Variants in CREB3L3 observed in about 807,000 individuals in gnomAD.
CREB3L3 encodes the protein cAMP responsive element binding protein 3 like 3, also known as cyclic AMP-responsive element-binding protein 3-like protein 3.
A neutral mutation model predicts 44.6 loss-of-function variants in CREB3L3; 40 were observed. The observed-to-expected ratio is 0.90, with a 90% CI of 0.70 to 1.17. The LOEUF (loss-of-function observed/expected upper bound fraction) is 1.17. CREB3L3 is among the 50% of genes most tolerant of loss of function. The pLI, the probability that CREB3L3 is intolerant of heterozygous loss-of-function variation, is 0.00. For missense variants in CREB3L3, 578 were observed against 595.8 expected (o/e 0.97, Z 0.31); for synonymous variants, 273 against 256.3 (o/e 1.06, Z -0.62).
At chr19:4,168,936 T>C (rs1215824694) in intron 6 of CREB3L3, among the ~76,000 whole-genome samples, 1 of 152,016 alleles carries the variant, frequency 6.6e-6, no homozygotes, top group Non-Finnish European at 1.5e-5. Flanking sequence ...GGTTTCACTG[T>C]GTTGCCCAGG....
chr19:4,172,236 C>T lies in CREB3L3; in HGVS notation c.*267C>T, dbSNP rs527445740. The T allele has an allele frequency of 1.7e-6, 1 of 577,182 alleles. No individual in the cohort carries two copies. The highest frequency in any genetic ancestry group is 2.1e-5 in the South Asian group (1 of 48,378). 35.8% of individuals were successfully genotyped at this position (577,182 alleles called of 1,614,324 possible). ...CAGAAGCAAAGAGCAGACACACATA[C>T]AGCCTGAAACAGACCTGGACAGACA... On this transcript the variant is annotated 3_prime_UTR_variant, in exon 10 of 10. Transcript: ENST00000078445.
rs763443718 is a variant in CREB3L3, at chr19:4,154,891, C to T, written c.28-8C>T. On this transcript the variant is annotated splice_region_variant and splice_polypyrimidine_tract_variant and intron_variant, in intron 1 of 9. Transcript: ENST00000078445. ...ATGTGACCCTCACATCTGTTCCTCGCGCCCCAGATGGCTTCTGCTGCCTGC... is the reference window on the plus strand; with the variant it reads ...ATGTGACCCTCACATCTGTTCCTCGTGCCCCAGATGGCTTCTGCTGCCTGC... 3.3e-5 allele frequency: 53 copies of T among 1,613,704 alleles called. 1 individual carries two copies. The highest frequency in any genetic ancestry group is 1.8e-4 in the East Asian group (8 of 44,894).
chr19:4,160,949 T>A (rs1385076876), intron 4 of CREB3L3, among the ~76,000 whole-genome samples: 1 of 140,324 alleles, frequency 7.1e-6, no homozygotes, highest in Non-Finnish European at 1.5e-5. Context: ...TCTTGCTCTG[T>A]CACCTAGGCT....
chr19:4,167,133 A>G (rs1360262807), intron 5 of CREB3L3, among the ~76,000 whole-genome samples: 1 of 152,098 alleles, frequency 6.6e-6, no homozygotes, highest in Non-Finnish European at 1.5e-5. Context: ...ACCTGAGGTC[A>G]GGAGTTTGAG....
At chr19:4,159,154 C>CTT (rs34399566) in intron 3 of CREB3L3, among the ~76,000 whole-genome samples, 18,458 of 143,994 alleles carry the variant, frequency 0.13, 1,292 homozygotes, top group South Asian at 0.15. Flanking sequence ...GGGTCCCCAT[C>CTT]TTTTTTTTTT....
Position 4,153,784 on chromosome 19 carries a change from A to C in CREB3L3, c.27+10A>C. 1.2e-6 allele frequency: 2 copies of C among 1,614,020 alleles called. No individual in the cohort carries two copies. The highest frequency in any genetic ancestry group is 1.7e-6 in the Non-Finnish European group (2 of 1,179,970). On this transcript the variant is annotated intron_variant, in intron 1 of 9. Transcript: ENST00000078445. ...TTTAGCTGCTGGAAAGGTGAGCCCT[A>C]CTAGGTCCCCAGGGAGAGCGGGAGT...
Position 4,164,644 on chromosome 19 carries a change from A to G in CREB3L3, c.714+4A>G. 6.2e-7 allele frequency: 1 copy of G among 1,613,934 alleles called. No homozygotes were observed. The highest frequency in any genetic ancestry group is 8.5e-7 in the Non-Finnish European group (1 of 1,179,972). ...CACTCAGCTGCCCCTCACTAAGGTG[A>G]GTCTGGGGGGACTTCCAGCCCTGGA... On this transcript the variant is annotated splice_donor_region_variant and intron_variant, in intron 5 of 9. Transcript: ENST00000078445.
chr19:4,168,028 C>T (rs552082108), intron 5 of CREB3L3, among the ~76,000 whole-genome samples: 3 of 143,752 alleles, frequency 2.1e-5, no homozygotes, highest in African/African-American at 2.6e-5. Context: ...GATGGAGTTT[C>T]GCTCTTGTTG....
At chr19:4,170,552 C>T (rs1478711649) in intron 7 of CREB3L3, among the ~76,000 whole-genome samples, 2 of 151,680 alleles carry the variant, frequency 1.3e-5, no homozygotes, top group South Asian at 4.1e-4. Context: ...GCGGAGGTTG[C>T]CGTGAGCCGA....
chr19:4,160,634 C>T (rs2041646991), intron 4 of CREB3L3, among the ~76,000 whole-genome samples: 1 of 152,084 alleles, frequency 6.6e-6, no homozygotes, highest in South Asian at 2.1e-4. Flanking sequence ...CGGATCACTG[C>T]CACCTCTGCC....
rs2145147035 is a variant in CREB3L3, at chr19:4,172,148, C to A, written c.*179C>A. 1 of 675,524 alleles carries A rather than the reference C, an allele frequency of 1.5e-6. No individual in the cohort carries two copies. The highest frequency in any genetic ancestry group is 2.5e-6 in the Non-Finnish European group (1 of 406,612). 41.8% of individuals were successfully genotyped at this position (675,524 alleles called of 1,614,324 possible). A position where few individuals can be genotyped will look rare whatever the true frequency, so the allele number is the denominator to read the frequency against. ...GGCCTGACTGAGGCCCACGCAGGAACCGACACTCAGACACAAGGCAAAGAG... is the reference window on the plus strand; with the variant it reads ...GGCCTGACTGAGGCCCACGCAGGAAACGACACTCAGACACAAGGCAAAGAG... On this transcript the variant is annotated 3_prime_UTR_variant, in exon 10 of 10. Transcript: ENST00000078445.
chr19:4,171,536 G>C lies in CREB3L3; in HGVS notation c.1072+57G>C. On this transcript the variant is annotated intron_variant, in intron 9 of 9. Transcript: ENST00000078445. The surrounding 1 kb of genome is among the most constrained non-coding windows in gnomAD (Gnocchi z 4.9). Reference sequence around the variant, plus strand: ...TGGTCTCCCCAAGTCCCCGTCCTGGGCCTCTGGGGGAGGGGGAGAAGACCC... The same window carrying C: ...TGGTCTCCCCAAGTCCCCGTCCTGGCCCTCTGGGGGAGGGGGAGAAGACCC... 2 of 1,605,920 alleles carry C rather than the reference G, an allele frequency of 1.2e-6. No homozygotes were observed. Among genetic ancestry groups the C allele is most frequent in the South Asian group, 2.2e-5 (2 of 90,886 alleles).
At chr19:4,169,246 CT>C (rs993708509) in intron 6 of CREB3L3, among the ~76,000 whole-genome samples, 2 of 151,840 alleles carry the variant, frequency 1.3e-5, no homozygotes, top group African/African-American at 4.8e-5. Flanking sequence ...AATCCCAGCA[CT>C]TTGGGAGGCT....
At chr19:4,164,694 C>T (rs2041704213) in intron 5 of CREB3L3, 54 bp downstream of exon 5, 7 of 1,590,786 alleles carry the variant, frequency 4.4e-6, no homozygotes, top group Non-Finnish European at 5.2e-6. Flanking sequence ...GTGCACTTAC[C>T]TGCATGTGTG....
chr19:4,171,512 G>C lies in CREB3L3; in HGVS notation c.1072+33G>C, dbSNP rs1274052092. On this transcript the variant is annotated intron_variant, in intron 9 of 9. Coordinates refer to ENST00000078445, the MANE Select transcript of CREB3L3 (RefSeq NM_032607.3). The surrounding 1 kb of genome is among the most constrained non-coding windows in gnomAD (Gnocchi z 4.9). ...ATCCCCACCTTTGAAACCCTTGTCTGGTCTCCCCAAGTCCCCGTCCTGGGC... is the reference window on the plus strand; with the variant it reads ...ATCCCCACCTTTGAAACCCTTGTCTCGTCTCCCCAAGTCCCCGTCCTGGGC... 4.3e-6 allele frequency: 7 copies of C among 1,610,366 alleles called. No individual in the cohort carries two copies. The highest frequency in any genetic ancestry group is 3.3e-5 in the Admixed American group (2 of 59,916).
At position 4,171,052 on chromosome 19, in the gene CREB3L3, C is replaced by T. The variant is rs1308254101; in HGVS notation, c.891-39C>T. On this transcript the variant is annotated intron_variant, in intron 7 of 9. Transcript: ENST00000078445. This position sits in a 1 kb window ranked among gnomAD's most constrained non-coding sequence, Gnocchi z 4.9. Reference sequence around the variant, plus strand: ...AAATGGACGAGAAGCAGAACCGAGGCCCTTTAGGGCTCAGCGGAGGCCTGC... The same window carrying T: ...AAATGGACGAGAAGCAGAACCGAGGTCCTTTAGGGCTCAGCGGAGGCCTGC... 6.5e-7 allele frequency: 1 copy of T among 1,527,446 alleles called. No individual in the cohort carries two copies. 94.6% of individuals were successfully genotyped at this position (1,527,446 alleles called of 1,614,324 possible). A position where few individuals can be genotyped will look rare whatever the true frequency, so the allele number is the denominator to read the frequency against.
In CREB3L3 at chr19:4,160,981, G is replaced by T. The variant is rs112843397; in HGVS notation, c.576+1199G>T. Among the ~76,000 whole-genome samples the T allele has an allele frequency of 1.7e-5, 2 of 118,764 alleles. 1 individual carries two copies. Among genetic ancestry groups the T allele is most frequent in the African/African-American group, 6.1e-5 (2 of 32,684 alleles). 77.9% of individuals were successfully genotyped at this position (118,764 alleles called of 152,430 possible). ...GGCTGGAGTGCAGTGGCGTGATCTC[G>T]GCTCACTGCAAGCTCCGCCTACCGG... is the stretch of plus-strand genomic sequence containing the variant. On this transcript the variant is annotated intron_variant, in intron 4 of 9. Coordinates refer to ENST00000078445, the MANE Select transcript of CREB3L3 (RefSeq NM_032607.3).
intron 7 of CREB3L3, among the ~76,000 whole-genome samples, chr19:4,170,803 C>G (rs898434738): frequency 6.6e-6 from 1 of 151,398 alleles, no homozygotes; most frequent in Non-Finnish European, 1.5e-5. Context: ...CCCAGCTACT[C>G]GGGAGGCTGA....
intron 4 of CREB3L3, 171 bp from the exon 5 acceptor site, chr19:4,164,332 T>C: frequency 1.3e-6 from 1 of 782,824 alleles, no homozygotes; most frequent in Non-Finnish European, 2.2e-6. Context: ...GGTCTCGATC[T>C]CCTGAGCTCA....
Sources: gnomAD v4.1 joint callset for allele counts (sites outside exome capture counted in the v4.1 genomes callset) on GRCh38, gnomAD v4.1.1 for gene constraint, Gnocchi (gnomAD v3.1) non-coding constraint, MANE v1.5 for transcripts, NCBI Gene and HGNC (gene_info 2026-07-23, HGNC 2026-07-21) for gene names.